PARM1: variants seen among roughly 807,000 people sequenced by gnomAD.
The protein encoded by PARM1 is prostate androgen-regulated mucin-like protein 1.
PARM1 carries 14 observed loss-of-function variants against 24.6 expected under a neutral mutation model. The observed-to-expected ratio is 0.57, with a 90% CI of 0.38 to 0.89. PARM1 has a LOEUF of 0.89. Among genes scored for constraint, PARM1 ranks in the 40% least tolerant of loss-of-function variants. The pLI is 0.00. For synonymous variants in PARM1, 179 were observed against 156.6 expected, an observed-to-expected ratio of 1.14 and a Z score of -1.07; for missense variants, 362 against 380.4, an observed-to-expected ratio of 0.95 and a Z score of 0.40.
intron 1 of PARM1, among the ~76,000 whole-genome samples, chr4:74,988,437 A>G (rs1300981530): frequency 6.6e-6 from 1 of 152,166 alleles, no homozygotes; most frequent in Non-Finnish European, 1.5e-5. Flanking sequence ...GCTGCTGTGT[A>G]AATATGGGAG....
chr4:74,982,817 C>T (rs183116177), intron 1 of PARM1, among the ~76,000 whole-genome samples: 171 of 152,346 alleles, frequency 1.1e-3, no homozygotes, highest in Admixed American at 3.5e-3. Flanking sequence ...TTCCATGACA[C>T]GTACAGTTTA....
chr4:75,019,920 G>A (rs1474501468), intron 2 of PARM1, among the ~76,000 whole-genome samples: 6 of 147,410 alleles, frequency 4.1e-5, no homozygotes, highest in South Asian at 4.4e-4. Context: ...GGAGAATGGC[G>A]TGAACCCAGG....
intron 3 of PARM1, among the ~76,000 whole-genome samples, chr4:75,039,282 A>G (rs1484598955): frequency 1.3e-5 from 2 of 152,194 alleles, no homozygotes; most frequent in Non-Finnish European, 2.9e-5. Flanking sequence ...CTGTAATCCC[A>G]GCAATTTGGG....
rs1450072017 is a variant in PARM1, at chr4:74,978,036, C to A, written c.44-34389C>A. Among the ~76,000 whole-genome samples the A allele has an allele frequency of 2.6e-5, 4 of 152,156 alleles. No homozygotes were observed. The East Asian group carries it at 7.7e-4, about 29-fold the overall frequency. On this transcript the variant is annotated intron_variant, in intron 1 of 3. Transcript: ENST00000307428. ...CACACTGAGGTATGCAGACCAATGACAATATGAAGCAACTACATTGACAAG... is the reference window on the plus strand; with the variant it reads ...CACACTGAGGTATGCAGACCAATGAAAATATGAAGCAACTACATTGACAAG...
intron 1 of PARM1, among the ~76,000 whole-genome samples, chr4:74,970,762 G>A (rs182277282): frequency 2.0e-5 from 3 of 152,282 alleles, no homozygotes; most frequent in African/African-American, 7.2e-5. Flanking sequence ...GTTATCATAA[G>A]CTAAACCTAA....
rs202070773 is a variant in PARM1 at position 75,012,595 on chromosome 4, G to A, written c.214G>A (p.Ala72Thr). The A allele has an allele frequency of 3.7e-6, 6 of 1,613,918 alleles. No homozygotes were observed. The highest frequency in any genetic ancestry group is 2.2e-5 in the East Asian group (1 of 44,874). ...NNSVLPVTAS[A>T]PTSLLPKNIS... is the part of the protein sequence containing the mutation. ...CTCGGTGCTCCCAGTTACAGCATCAGCCCCAACATCTCTGCTTCCTAAGAA... is the reference window on the plus strand; with the variant it reads ...CTCGGTGCTCCCAGTTACAGCATCAACCCCAACATCTCTGCTTCCTAAGAA... The change falls in exon 2 of 4, where the codon GCC (alanine) becomes ACC (threonine). Residue 72 changes from alanine (A) to threonine (T), a missense_variant. Ala to Thr is a moderately conservative substitution (Grantham distance 58). Coordinates refer to ENST00000307428, the MANE Select transcript of PARM1 (RefSeq NM_015393.4).
intron 1 of PARM1, among the ~76,000 whole-genome samples, chr4:75,003,125 T>C (rs1295617755): frequency 5.3e-5 from 8 of 152,132 alleles, no homozygotes; most frequent in Admixed American, 5.2e-4. Flanking sequence ...GAAGAGAAGC[T>C]GCTTGCCCTC....
chr4:75,011,900 G>A (rs1444667108), intron 1 of PARM1, among the ~76,000 whole-genome samples: 1 of 152,148 alleles, frequency 6.6e-6, no homozygotes, highest in Non-Finnish European at 1.5e-5. Context: ...AGTGCAGAAT[G>A]GATAGCCCTC....
At chr4:75,024,608 G>C (rs1723149058) in intron 2 of PARM1, among the ~76,000 whole-genome samples, 1 of 152,196 alleles carries the variant, frequency 6.6e-6, no homozygotes, top group Admixed American at 6.5e-5. Flanking sequence ...ACCCCACAAG[G>C]ATCTGAGCCT....
At chr4:74,947,321 G>A (rs1220785522) in intron 1 of PARM1, among the ~76,000 whole-genome samples, 1 of 151,874 alleles carries the variant, frequency 6.6e-6, no homozygotes, top group East Asian at 1.9e-4. Flanking sequence ...AAAACTCTAT[G>A]GGAAAAATAA....
chr4:75,032,048 G>T lies in PARM1; in HGVS notation c.770-1835G>T, dbSNP rs138893913. 1.3e-3 allele frequency among the ~76,000 whole-genome samples: 193 copies of T among 152,234 alleles called. 2 individuals are homozygous for T. In the East Asian group the frequency reaches 0.034, roughly 27 times the overall value. ...GGACTTTCTCTGCTTGACCCAGTCT[G>T]CACATTTGAGCATTCAGTGCCATAA... On this transcript the variant is annotated intron_variant, in intron 2 of 3. Transcript: ENST00000307428.
intron 1 of PARM1, among the ~76,000 whole-genome samples, chr4:74,979,066 AAAC>A (rs1326414522): frequency 6.6e-6 from 1 of 152,118 alleles, no homozygotes; most frequent in African/African-American, 2.4e-5. Flanking sequence ...AACCAAGAGC[AAAC>A]AACCCCAAAA....
At chr4:75,044,960 T>C (rs962393168) in intron 3 of PARM1, among the ~76,000 whole-genome samples, 1 of 152,192 alleles carries the variant, frequency 6.6e-6, no homozygotes, top group Non-Finnish European at 1.5e-5. Flanking sequence ...CCCGCCCCCA[T>C]AATTTGATCA....
chr4:75,006,618 T>C (rs1038559768), intron 1 of PARM1, among the ~76,000 whole-genome samples: 5 of 152,198 alleles, frequency 3.3e-5, no homozygotes, highest in African/African-American at 1.2e-4. Flanking sequence ...TGCATGTGTC[T>C]TTATAGCAGC....
chr4:74,953,138 A>G (rs140684394), intron 1 of PARM1, among the ~76,000 whole-genome samples: 96 of 152,314 alleles, frequency 6.3e-4, no homozygotes, highest in Non-Finnish European at 1.2e-3. Flanking sequence ...TTGGCTCTGT[A>G]GCTACCTATT....
chr4:74,993,159 T>C (rs1366307724), intron 1 of PARM1, among the ~76,000 whole-genome samples: 1 of 152,168 alleles, frequency 6.6e-6, no homozygotes, highest in East Asian at 1.9e-4. Flanking sequence ...TTAAACTCTT[T>C]CCCTGTTTCT....
chr4:75,042,417 G>T (rs954690895), intron 3 of PARM1, among the ~76,000 whole-genome samples: 55 of 152,276 alleles, frequency 3.6e-4, no homozygotes, highest in African/African-American at 1.2e-3. Context: ...TGCTGTTCAG[G>T]TTGAAATTAG....
chr4:74,952,430 C>G (rs768500917), intron 1 of PARM1, among the ~76,000 whole-genome samples: 1 of 152,160 alleles, frequency 6.6e-6, no homozygotes, highest in Non-Finnish European at 1.5e-5. Context: ...TGTGCAGAAG[C>G]TCTTTAGTTT....
At chr4:74,982,826 T>G (rs555174015) in intron 1 of PARM1, among the ~76,000 whole-genome samples, 1 of 152,382 alleles carries the variant, frequency 6.6e-6, no homozygotes, top group Non-Finnish European at 1.5e-5. Flanking sequence ...ACGTACAGTT[T>G]AGTCCTAATT....
Sources: gnomAD v4.1 joint callset for allele counts (sites outside exome capture counted in the v4.1 genomes callset) on GRCh38, gnomAD v4.1.1 for gene constraint, MANE v1.5 for transcripts, NCBI Gene and HGNC (gene_info 2026-07-23, HGNC 2026-07-21) for gene names.